The following TNPO1 variants were observed in gnomAD, a reference collection of about 807,000 sequenced individuals.
TNPO1 encodes the protein transportin-1.
A neutral mutation model predicts 119.5 loss-of-function variants in TNPO1; 8 were observed. The observed-to-expected ratio is 0.07, with a 90% confidence interval of 0.04 to 0.12. TNPO1 has a LOEUF of 0.12. Ranked by LOEUF, TNPO1 falls within the 10% of genes least tolerant of loss-of-function variation. TNPO1 has a pLI of 1.00. For synonymous variants in TNPO1, 362 were observed against 363.0 expected (o/e 1.00, Z 0.03); for missense variants, 576 against 1,089.8 (o/e 0.53, Z 6.64).
At chr5:72,837,923 C>T (rs767734694) in intron 1 of TNPO1, among the ~76,000 whole-genome samples, 11 of 152,202 alleles carry the variant, frequency 7.2e-5, no homozygotes, top group Non-Finnish European at 1.3e-4. Flanking sequence ...GCTTCCTCTA[C>T]TCCATCAGGA....
At chr5:72,871,575 G>A (rs1265100109) in intron 6 of TNPO1, among the ~76,000 whole-genome samples, 2 of 152,118 alleles carry the variant, frequency 1.3e-5, no homozygotes, top group Non-Finnish European at 2.9e-5. Context: ...ATGAGATCAG[G>A]GATAGACAGT....
intron 8 of TNPO1, 79 bp from the exon 9 acceptor site, chr5:72,877,149 C>A: frequency 4.5e-6 from 3 of 665,792 alleles, no homozygotes; most frequent in Non-Finnish European, 7.2e-6. Context: ...AGGTCAAAAG[C>A]TTGCTTGATA....
chr5:72,869,920 A>G (rs1051788661), intron 6 of TNPO1, among the ~76,000 whole-genome samples: 1 of 152,222 alleles, frequency 6.6e-6, no homozygotes, highest in Non-Finnish European at 1.5e-5. Flanking sequence ...TTATTTTTAT[A>G]TACACAGATA....
chr5:72,902,932 C>A (rs1053338519), intron 22 of TNPO1, among the ~76,000 whole-genome samples: 2 of 151,910 alleles, frequency 1.3e-5, no homozygotes, highest in African/African-American at 4.8e-5. Flanking sequence ...TGTAGTATTA[C>A]CAAATTTTTT....
In TNPO1 at chr5:72,887,700, C is replaced by CA. The variant is rs368375988; in HGVS notation, c.1304-371dup. Among the ~76,000 whole-genome samples the CA allele has an allele frequency of 2.5e-3, 386 of 151,726 alleles. 5 individuals are homozygous for CA. The highest frequency in any genetic ancestry group is 8.9e-3 in the African/African-American group (369 of 41,396). On this transcript the variant is annotated intron_variant, in intron 12 of 24. Coordinates refer to ENST00000337273, the MANE Select transcript of TNPO1 (RefSeq NM_002270.4). The stretch of plus-strand genomic sequence containing the variant: ...ACTCCATCTCAATAAAAAATAAAAA[C>CA]AAAAAAATTAAGGGAACAGAATGAA...
chr5:72,871,339 A>G (rs1006567664), intron 6 of TNPO1, among the ~76,000 whole-genome samples: 6 of 152,198 alleles, frequency 3.9e-5, no homozygotes, highest in Admixed American at 2.0e-4. Flanking sequence ...CCCTGTGTTG[A>G]ACATTTAAGG....
rs577528066 is a variant in TNPO1, at chr5:72,870,834, T to G, written c.597-1805T>G. ...AAGTTAAAAGATTTCTGTTCTTGATTTAAAGGCCCTTTAAAAGACTTTATT... is the reference window on the plus strand; with the variant it reads ...AAGTTAAAAGATTTCTGTTCTTGATGTAAAGGCCCTTTAAAAGACTTTATT... On this transcript the variant is annotated intron_variant, in intron 6 of 24. Transcript: ENST00000337273. Among the ~76,000 whole-genome samples, 3 of 152,336 alleles carry G rather than the reference T, an allele frequency of 2.0e-5. No individual in the cohort carries two copies. The South Asian group carries it at 6.2e-4, about 32-fold the overall frequency.
intron 12 of TNPO1, among the ~76,000 whole-genome samples, 154 bp downstream of exon 12, chr5:72,887,376 C>G (rs1748728539): frequency 1.3e-5 from 2 of 152,206 alleles, no homozygotes; most frequent in Admixed American, 1.3e-4. Context: ...AGATATTTTG[C>G]AAAATGTTTT....
At chr5:72,840,269 G>A (rs1744851770) in intron 1 of TNPO1, among the ~76,000 whole-genome samples, 1 of 152,028 alleles carries the variant, frequency 6.6e-6, no homozygotes, top group Admixed American at 6.5e-5. Context: ...TCCTCGCTTT[G>A]TTCATTACTG....
At chr5:72,854,546 T>C (rs1745834128) in intron 3 of TNPO1, among the ~76,000 whole-genome samples, 1 of 152,184 alleles carries the variant, frequency 6.6e-6, no homozygotes, top group South Asian at 2.1e-4. Context: ...GTGGGGGTAA[T>C]ACTGAAGAAT....
At chr5:72,861,505 G>T (rs1746445138) in intron 4 of TNPO1, among the ~76,000 whole-genome samples, 2 of 152,106 alleles carry the variant, frequency 1.3e-5, no homozygotes, top group Non-Finnish European at 1.5e-5. Context: ...TGACTCAGGT[G>T]ATCCTCTCAC....
chr5:72,853,577 C>G (rs1367916864), intron 3 of TNPO1, among the ~76,000 whole-genome samples: 2 of 151,846 alleles, frequency 1.3e-5, no homozygotes, highest in African/African-American at 2.4e-5. Flanking sequence ...AAATGTGTTT[C>G]TTATGTTCAT....
rs1285757935 is a variant in TNPO1 at position 72,910,407 on chromosome 5, T to C, written c.*1734T>C. ...TGGTACACTTGATCTTGTGTTCATATGAAAGTGCAAGTCTTTATTAATTTG... is the reference window on the plus strand; with the variant it reads ...TGGTACACTTGATCTTGTGTTCATACGAAAGTGCAAGTCTTTATTAATTTG... On this transcript the variant is annotated 3_prime_UTR_variant, in exon 25 of 25. Transcript: ENST00000337273. 2 of 152,616 alleles carry C rather than the reference T, an allele frequency of 1.3e-5. No individual in the cohort carries two copies. Among genetic ancestry groups the C allele is most frequent in the Admixed American group, 6.5e-5 (1 of 15,276 alleles). The allele number at this position is 152,616 out of a possible 1,614,324, so 9.5% of individuals were successfully genotyped here. A position where few individuals can be genotyped will look rare whatever the true frequency, so the allele number is the denominator to read the frequency against.
intron 1 of TNPO1, among the ~76,000 whole-genome samples, chr5:72,843,831 A>ATC (rs1341035571): frequency 3.9e-5 from 6 of 152,180 alleles, no homozygotes; most frequent in Non-Finnish European, 7.3e-5. Context: ...GGGAAAATGC[A>ATC]TCTCTGTCTC....
rs1254348395 is a variant in TNPO1 at position 72,910,822 on chromosome 5, T to C, written c.*2149T>C. 1 of 150,942 alleles carries C rather than the reference T, an allele frequency of 6.6e-6. No individual in the cohort carries two copies. 9.4% of individuals were successfully genotyped at this position (150,942 alleles called of 1,614,324 possible). A position where few individuals can be genotyped will look rare whatever the true frequency, so the allele number is the denominator to read the frequency against. Reference sequence around the variant, plus strand: ...GTGTGTGTTTTGTTTTGTTTTGTTCTGTTTTTTAACGTTCTTTCACCTTTC... The same window carrying C: ...GTGTGTGTTTTGTTTTGTTTTGTTCCGTTTTTTAACGTTCTTTCACCTTTC... On this transcript the variant is annotated 3_prime_UTR_variant, in exon 25 of 25. Coordinates refer to ENST00000337273, the MANE Select transcript of TNPO1 (RefSeq NM_002270.4).
intron 1 of TNPO1, among the ~76,000 whole-genome samples, chr5:72,836,174 T>C (rs761260033): frequency 6.6e-6 from 1 of 152,220 alleles, no homozygotes; most frequent in Non-Finnish European, 1.5e-5. Flanking sequence ...GTTATTGCCC[T>C]TGTGTAGGCT....
At chr5:72,896,603 C>CTCA in intron 19 of TNPO1, 47 bp downstream of exon 19, 1 of 1,481,406 alleles carries the variant, frequency 6.8e-7, no homozygotes, top group Non-Finnish European at 9.3e-7. Flanking sequence ...GGCGCGGTGG[C>CTCA]TCACGCCTGT....
intron 6 of TNPO1, among the ~76,000 whole-genome samples, chr5:72,866,053 G>GT (rs1362603518): frequency 1.4e-5 from 2 of 146,734 alleles, no homozygotes; most frequent in Non-Finnish European, 3.0e-5. Flanking sequence ...TTTTGTTTTT[G>GT]TTTTTTTAGC....
intron 1 of TNPO1, among the ~76,000 whole-genome samples, chr5:72,830,501 C>G (rs266429): frequency 0.14 from 20,727 of 152,080 alleles, 1,589 homozygotes; most frequent in East Asian, 0.29. Flanking sequence ...TTCATCCTCT[C>G]ATTTCAGATG....
Sources: gnomAD v4.1 joint callset for allele counts (sites outside exome capture counted in the v4.1 genomes callset) on GRCh38, gnomAD v4.1.1 for gene constraint, MANE v1.5 for transcripts, NCBI Gene and HGNC (gene_info 2026-07-23, HGNC 2026-07-21) for gene names.